IGFL3: variants seen among roughly 807,000 people sequenced by gnomAD.
The protein encoded by IGFL3 is IGF like family member 3.
A neutral mutation model predicts 17.0 loss-of-function variants in IGFL3; 12 were observed. That is an observed-to-expected ratio of 0.71 (90% CI 0.45 to 1.14). IGFL3 has a LOEUF of 1.14. Ranked by LOEUF, IGFL3 falls within the 50% of genes most tolerant of loss-of-function variation. The pLI, the probability that IGFL3 is intolerant of heterozygous loss-of-function variation, is 0.00. For missense variants in IGFL3, 153 were observed against 151.6 expected (o/e 1.01, Z -0.05); for synonymous variants, 52 against 57.4 (o/e 0.91, Z 0.42).
chr19:46,121,394 G>A (rs76420313), intron 3 of IGFL3, among the ~76,000 whole-genome samples: 21 of 124,402 alleles, frequency 1.7e-4, no homozygotes, highest in African/African-American at 1.2e-4. Context: ...ATCCTGTCTT[G>A]AAAAAAAAAA....
In IGFL3 at chr19:46,123,848, C is replaced by G; in HGVS notation, c.350+38G>C. ...AGCCCTCTGTATCCCTCATCCCTCC[C>G]TCATTCCTTTAGTTAAGAGCAAGGT... On this transcript the variant is annotated intron_variant, in intron 3 of 3. Transcript: ENST00000341415. 8 of 1,568,906 alleles carry G rather than the reference C, an allele frequency of 5.1e-6. No individual in the cohort carries two copies. In the South Asian group the frequency reaches 7.1e-5, roughly 14 times the overall value.
rs1403921015 is a variant in IGFL3 at position 46,124,685 on chromosome 19, T to C, written c.-36A>G. Reference sequence around the variant, plus strand: ...ATGCTCTAGGAGAATTGAAGAAGAGTGGTAAAAGGCTGGAACTTATGGAGA... The same window carrying C: ...ATGCTCTAGGAGAATTGAAGAAGAGCGGTAAAAGGCTGGAACTTATGGAGA... On this transcript the variant is annotated 5_prime_UTR_variant, in exon 1 of 4. Coordinates refer to ENST00000341415, the MANE Select transcript of IGFL3 (RefSeq NM_207393.2). The C allele has an allele frequency of 6.3e-7, 1 of 1,594,556 alleles. No homozygotes were observed. The highest frequency in any genetic ancestry group is 1.4e-5 in the African/African-American group (1 of 72,472).
In IGFL3 at chr19:46,120,196, C is replaced by G; in HGVS notation, c.*134G>C. 1 of 1,358,258 alleles carries G rather than the reference C, an allele frequency of 7.4e-7. No individual in the cohort carries two copies. The highest frequency in any genetic ancestry group is 1.4e-5 in the South Asian group (1 of 72,222). 84.1% of individuals were successfully genotyped at this position (1,358,258 alleles called of 1,614,324 possible). On this transcript the variant is annotated 3_prime_UTR_variant, in exon 4 of 4. Transcript: ENST00000341415. ...TCTGGCCATCCCCAGCTGGGCTCCT[C>G]TCCAAAGCTATGTCATTGAGCCATC...
chr19:46,124,159 G>A lies in IGFL3; in HGVS notation c.80-3C>T, dbSNP rs1386891154. 2.5e-6 allele frequency: 4 copies of A among 1,609,996 alleles called. 1 individual carries two copies. The highest frequency in any genetic ancestry group is 3.4e-6 in the Non-Finnish European group (4 of 1,178,856). ...CAGTCCTGAGCCAACAGGAGCGTCTGGGGGCAGACATTGATGGTGTACATC... is the reference window on the plus strand; with the variant it reads ...CAGTCCTGAGCCAACAGGAGCGTCTAGGGGCAGACATTGATGGTGTACATC... On this transcript the variant is annotated splice_region_variant and splice_polypyrimidine_tract_variant and intron_variant, in intron 2 of 3. Transcript: ENST00000341415.
chr19:46,120,455 G>A, intron 3 of IGFL3, 98 bp from the exon 4 acceptor site: 1 of 1,542,634 alleles, frequency 6.5e-7, no homozygotes, highest in Non-Finnish European at 8.8e-7. Flanking sequence ...GACTTTAACA[G>A]ACTTGACTGC....
intron 1 of IGFL3, 55 bp from the exon 2 acceptor site, chr19:46,124,376 A>G: frequency 6.5e-7 from 1 of 1,537,872 alleles, no homozygotes; most frequent in Admixed American, 1.7e-5. Flanking sequence ...ACAAGTATGG[A>G]AAAAACAAAC....
intron 1 of IGFL3, 90 bp from the exon 2 acceptor site, chr19:46,124,411 GGT>G (rs1971976146): frequency 7.1e-7 from 1 of 1,405,254 alleles, no homozygotes; most frequent in African/African-American, 1.5e-5. Context: ...AGGTTAGGGT[GGT>G]TTAAAGGTGG....
chr19:46,121,086 G>A (rs536586049), intron 3 of IGFL3, among the ~76,000 whole-genome samples: 1 of 150,460 alleles, frequency 6.6e-6, no homozygotes, highest in African/African-American at 2.5e-5. Context: ...CGCTTAGAAA[G>A]TTCCAGGCAC....
In IGFL3 at chr19:46,120,608, T is replaced by C. The variant is rs943634710; in HGVS notation, c.351-251A>G. On this transcript the variant is annotated intron_variant, in intron 3 of 3. Transcript: ENST00000341415. ...TTCCTCAAAATGCCAGATAAAGAAT[T>C]AAAAATATTGATCTTAAAGAAAATG... 1.1e-4 allele frequency among the ~76,000 whole-genome samples: 17 copies of C among 150,602 alleles called. 1 individual carries two copies. Among genetic ancestry groups the C allele is most frequent in the African/African-American group, 4.2e-4 (17 of 40,502 alleles).
Position 46,120,374 on chromosome 19 carries a change from A to C in IGFL3, c.351-17T>G. 1.9e-6 allele frequency: 3 copies of C among 1,610,856 alleles called. No individual in the cohort carries two copies. The highest frequency in any genetic ancestry group is 2.5e-6 in the Non-Finnish European group (3 of 1,179,488). The stretch of plus-strand genomic sequence containing the variant: ...CTCCTGTTCCTATCACAGTGCCCCA[A>C]ATCAAAGTGTCTTAACAACATATAT... On this transcript the variant is annotated splice_polypyrimidine_tract_variant and intron_variant, in intron 3 of 3. Coordinates refer to ENST00000341415, the MANE Select transcript of IGFL3 (RefSeq NM_207393.2).
In IGFL3 at chr19:46,124,293, G is replaced by T. The variant is rs1208758486; in HGVS notation, c.54C>A (p.Leu18=). The part of the protein sequence containing the change: ...LALVCWITVF[L]LQCSKGTTDA... ...CTGTAGTTCCTTTTGAACACTGGAG[G>T]AGGAAGACTGTTATCCAGCAGACAA... Residue 18 remains leucine, a synonymous_variant, in exon 2 of 4, where the codon CTC becomes CTA. Coordinates refer to ENST00000341415, the MANE Select transcript of IGFL3 (RefSeq NM_207393.2). 5.6e-6 allele frequency: 9 copies of T among 1,610,840 alleles called. No individual in the cohort carries two copies. The highest frequency in any genetic ancestry group is 7.6e-6 in the Non-Finnish European group (9 of 1,179,098).
chr19:46,124,596 A>G lies in IGFL3; in HGVS notation c.25+29T>C, dbSNP rs368574851. The stretch of plus-strand genomic sequence containing the variant: ...GGAGCTGCACTGGGAATGAGATGAG[A>G]TGATGTTTGGATTTGGGGTCCTACT... On this transcript the variant is annotated intron_variant, in intron 1 of 3. Coordinates refer to ENST00000341415, the MANE Select transcript of IGFL3 (RefSeq NM_207393.2). 56 of 1,590,870 alleles carry G rather than the reference A, an allele frequency of 3.5e-5. 1 individual carries two copies. The Middle Eastern group carries it at 5.0e-4, about 14-fold the overall frequency.
chr19:46,123,053 T>G (rs1218234807), intron 3 of IGFL3, among the ~76,000 whole-genome samples: 2 of 151,092 alleles, frequency 1.3e-5, no homozygotes, highest in Admixed American at 6.6e-5. Context: ...ATTAGATTAC[T>G]TAAGAATTCT....
chr19:46,120,387 TAAC>T (rs770265913), intron 3 of IGFL3, 30 bp from the exon 4 acceptor site: 1 of 1,610,108 alleles, frequency 6.2e-7, no homozygotes, highest in Admixed American at 1.7e-5. Flanking sequence ...CAAAGTGTCT[TAAC>T]AACATATATT....
At chr19:46,121,788 C>T (rs927447695) in intron 3 of IGFL3, among the ~76,000 whole-genome samples, 5 of 150,814 alleles carry the variant, frequency 3.3e-5, no homozygotes, top group African/African-American at 9.9e-5. Context: ...ACAGCAAGTG[C>T]GGAGCTGACT....
At chr19:46,123,808 A>T in intron 3 of IGFL3, 78 bp downstream of exon 3, 1 of 1,447,960 alleles carries the variant, frequency 6.9e-7, no homozygotes, top group South Asian at 1.4e-5. Flanking sequence ...CTCCACAAAC[A>T]GGAGTTCCTC....
Position 46,124,365 on chromosome 19 carries a change from G to T in IGFL3, c.26-44C>A, listed in dbSNP as rs768129931. 13 of 1,557,150 alleles carry T rather than the reference G, an allele frequency of 8.3e-6. No individual in the cohort carries two copies. The African/African-American group carries it at 1.4e-4, about 17-fold the overall frequency. On this transcript the variant is annotated intron_variant, in intron 1 of 3. Coordinates refer to ENST00000341415, the MANE Select transcript of IGFL3 (RefSeq NM_207393.2). ...AGGTTGAACATGGAGCTGAGAATGT[G>T]ACAAGTATGGAAAAAACAAACAAAC...
At chr19:46,120,453 CA>C in intron 3 of IGFL3, 96 bp from the exon 4 acceptor site, 1 of 1,547,946 alleles carries the variant, frequency 6.5e-7, no homozygotes, top group Non-Finnish European at 8.8e-7. Context: ...TTGACTTTAA[CA>C]GACTTGACTG....
chr19:46,120,338 A>G lies in IGFL3; in HGVS notation c.370T>C (p.Tyr124His). 1 of 1,611,162 alleles carries G rather than the reference A, an allele frequency of 6.2e-7. No homozygotes were observed. Among genetic ancestry groups the G allele is most frequent in the Non-Finnish European group, 8.5e-7 (1 of 1,179,564 alleles). Residue 124 changes from tyrosine (Y) to histidine (H), a missense_variant, in exon 4 of 4, where the codon TAC (tyrosine) becomes CAC (histidine). By Grantham distance (83) the Tyr-to-His change is moderately conservative (BLOSUM62 2). Coordinates refer to ENST00000341415, the MANE Select transcript of IGFL3 (RefSeq NM_207393.2). ...AGTGGAGCCTGGGGTTTTTATGGGTACAGGACGTGCCTCCTGTTCCTATCA... is the reference window on the plus strand; with the variant it reads ...AGTGGAGCCTGGGGTTTTTATGGGTGCAGGACGTGCCTCCTGTTCCTATCA... ...SCTRNRRHVL[Y>H]P is the part of the protein sequence containing the mutation.
Sources: allele counts gnomAD v4.1 joint callset (sites outside exome capture counted in the v4.1 genomes callset), GRCh38; gene constraint gnomAD v4.1.1; transcripts MANE v1.5; gene names NCBI Gene and HGNC (gene_info 2026-07-23, HGNC 2026-07-21).